Variants in THSD7A observed in about 807,000 individuals in gnomAD.
THSD7A encodes the protein thrombospondin type-1 domain-containing protein 7A.
A neutral mutation model predicts 231.3 loss-of-function variants in THSD7A; 96 were observed. That is an observed-to-expected ratio of 0.41 (90% CI 0.35 to 0.49). The LOEUF (loss-of-function observed/expected upper bound fraction) is 0.49. Among genes scored for constraint, THSD7A ranks in the 20% least tolerant of loss-of-function variants. THSD7A has a pLI of 0.05. For synonymous variants in THSD7A, 940 were observed against 743.3 expected, an observed-to-expected ratio of 1.26 and a Z score of -4.30; for missense variants, 2,290 against 2,070.2, an observed-to-expected ratio of 1.11 and a Z score of -2.06.
At chr7:11,609,474 G>C (rs1780848989) in intron 2 of THSD7A, among the ~76,000 whole-genome samples, 1 of 152,166 alleles carries the variant, frequency 6.6e-6, no homozygotes, top group Admixed American at 6.5e-5. Context: ...TGTTCCATGG[G>C]AACAGAGGAT....
chr7:11,786,823 T>G (rs1327151214), intron 1 of THSD7A, among the ~76,000 whole-genome samples: 6 of 150,978 alleles, frequency 4.0e-5, no homozygotes, highest in Non-Finnish European at 8.9e-5. Flanking sequence ...CTTTGGTCTC[T>G]CTCTTCCCCT....
rs188678857 is a variant in THSD7A at position 11,609,749 on chromosome 7, T to C, written c.1023-16247A>G. Among the ~76,000 whole-genome samples the C allele has an allele frequency of 3.3e-5, 5 of 152,276 alleles. No homozygotes were observed. In the East Asian group the frequency reaches 9.7e-4, roughly 29 times the overall value. On this transcript the variant is annotated intron_variant, in intron 2 of 27. Coordinates refer to ENST00000423059, the MANE Select transcript of THSD7A (RefSeq NM_015204.3). ...ATCACAGATCATGCAGAGAAGCTTATTCAATCTGTTTAAAAACATATTGGT... is the reference window on the plus strand; with the variant it reads ...ATCACAGATCATGCAGAGAAGCTTACTCAATCTGTTTAAAAACATATTGGT...
At position 11,481,780 on chromosome 7, in the gene THSD7A, C is replaced by T. The variant is rs772883064; in HGVS notation, c.2017+8G>A. The T allele has an allele frequency of 1.3e-5, 21 of 1,586,038 alleles. No homozygotes were observed. The highest frequency in any genetic ancestry group is 1.7e-4 in the Middle Eastern group (1 of 5,938). ...GAACCTAGATGGCGTCTGAAGCTGG[C>T]GACTCACCTTCTTCACCCGCATAGG... is the stretch of plus-strand genomic sequence containing the variant. On this transcript the variant is annotated splice_region_variant and intron_variant, in intron 7 of 27. Coordinates refer to ENST00000423059, the MANE Select transcript of THSD7A (RefSeq NM_015204.3).
intron 1 of THSD7A, among the ~76,000 whole-genome samples, chr7:11,828,046 C>A (rs889352989): frequency 1.3e-5 from 2 of 152,290 alleles, no homozygotes; most frequent in Admixed American, 6.5e-5. Context: ...GTTCTGTTTC[C>A]CTTTGCCTCT....
In THSD7A at chr7:11,512,959, A is replaced by ATATATATATATATATATATATATATATG. The variant is rs1449312863; in HGVS notation, c.1822+28459_1822+28460insCATATATATATATATATATATATATATA. Among the ~76,000 whole-genome samples, 83 of 142,620 alleles carry ATATATATATATATATATATATATATATG rather than the reference A, an allele frequency of 5.8e-4. 2 individuals carry two copies. The highest frequency in any genetic ancestry group is 1.0e-3 in the Non-Finnish European group (65 of 65,296). 93.6% of individuals were successfully genotyped at this position (142,620 alleles called of 152,430 possible). On this transcript the variant is annotated intron_variant, in intron 6 of 27. Transcript: ENST00000423059. ...GAAACTATGATATATATATATATAT[A>ATATATATATATATATATATATATATATG]TGTAAAATACTACTCAGCCATAAAA...
chr7:11,809,215 C>A (rs1784468704), intron 1 of THSD7A, among the ~76,000 whole-genome samples: 1 of 152,052 alleles, frequency 6.6e-6, no homozygotes, highest in Non-Finnish European at 1.5e-5. Flanking sequence ...TACCCAAAAT[C>A]ATTACCAGTA....
chr7:11,728,864 C>A (rs1365291825), intron 1 of THSD7A, among the ~76,000 whole-genome samples: 7 of 151,728 alleles, frequency 4.6e-5, no homozygotes, highest in African/African-American at 1.7e-4. Flanking sequence ...TTAGTAAAGA[C>A]CAATTGCTTC....
At chr7:11,404,694 G>GCT in intron 22 of THSD7A, among the ~76,000 whole-genome samples, 1 of 152,016 alleles carries the variant, frequency 6.6e-6, no homozygotes, top group Non-Finnish European at 1.5e-5. Flanking sequence ...AAGGTTGTTG[G>GCT]CAGCAACACT....
chr7:11,441,195 T>A (rs1784793245), intron 13 of THSD7A, among the ~76,000 whole-genome samples: 1 of 152,132 alleles, frequency 6.6e-6, no homozygotes, highest in African/African-American at 2.4e-5. Context: ...GATATCCTCA[T>A]CAATCTCTAT....
chr7:11,526,130 A>G (rs901640535), intron 6 of THSD7A, among the ~76,000 whole-genome samples: 5 of 152,176 alleles, frequency 3.3e-5, no homozygotes, highest in Middle Eastern at 3.2e-3. Flanking sequence ...TGTGTGAAAC[A>G]GTCTCTTGAA....
intron 2 of THSD7A, among the ~76,000 whole-genome samples, chr7:11,623,823 A>G (rs1781393498): frequency 6.6e-6 from 1 of 152,172 alleles, no homozygotes; most frequent in Non-Finnish European, 1.5e-5. Flanking sequence ...AGAGCCTGGG[A>G]TCAGCTTTAG....
chr7:11,393,466 C>CACA (rs1185828604), intron 23 of THSD7A, among the ~76,000 whole-genome samples: 1 of 152,192 alleles, frequency 6.6e-6, no homozygotes, highest in Non-Finnish European at 1.5e-5. Flanking sequence ...TCCAAAGTAT[C>CACA]ACAACTCTTC....
Position 11,375,641 on chromosome 7 carries a change from GT to G in THSD7A, c.*152del, listed in dbSNP as rs1360845323. ...AGTGGTACTGTCTTAAATATCTCCA[GT>G]GGCAGTATGATTTTCACTCTTGTCT... On this transcript the variant is annotated 3_prime_UTR_variant, in exon 28 of 28. Coordinates refer to ENST00000423059, the MANE Select transcript of THSD7A (RefSeq NM_015204.3). The G allele has an allele frequency of 4.9e-5, 30 of 615,920 alleles. No homozygotes were observed. Among genetic ancestry groups the G allele is most frequent in the African/African-American group, 4.8e-4 (26 of 53,770 alleles). The allele number at this position is 615,920 out of a possible 1,614,324, so 38.2% of individuals were successfully genotyped here. A position where few individuals can be genotyped will look rare whatever the true frequency, so the allele number is the denominator to read the frequency against.
chr7:11,379,148 G>A lies in THSD7A; in HGVS notation c.4723C>T (p.Arg1575Trp), dbSNP rs757798324. 48 of 1,613,522 alleles carry A rather than the reference G, an allele frequency of 3.0e-5. No homozygotes were observed. The highest frequency in any genetic ancestry group is 2.4e-4 in the South Asian group (22 of 91,076). The change falls in exon 26 of 28, where the codon CGG (arginine) becomes TGG (tryptophan). Residue 1575 changes from arginine (R) to tryptophan (W), a missense_variant. Coordinates refer to ENST00000423059, the MANE Select transcript of THSD7A (RefSeq NM_015204.3). ...EDKRGDVKTS[R>W]AVHPTQPSSN... ...GAGGGTTGGGTTGGATGTACAGCCC[G>A]ACTGGTTTTCACATCTCCTCTTTTG... is the stretch of plus-strand genomic sequence containing the variant.
intron 23 of THSD7A, among the ~76,000 whole-genome samples, chr7:11,391,446 C>T (rs1440399356): frequency 6.6e-6 from 1 of 152,184 alleles, no homozygotes; most frequent in Non-Finnish European, 1.5e-5. Flanking sequence ...GACGCCCCTC[C>T]CCAGCTCGAG....
At chr7:11,664,476 T>C (rs1783046144) in intron 1 of THSD7A, among the ~76,000 whole-genome samples, 1 of 151,990 alleles carries the variant, frequency 6.6e-6, no homozygotes. Context: ...ATACATCACA[T>C]GCTTAGTAAC....
At chr7:11,633,500 G>A (rs1044090077) in intron 2 of THSD7A, among the ~76,000 whole-genome samples, 1 of 152,136 alleles carries the variant, frequency 6.6e-6, no homozygotes. Context: ...GTCATGCTAA[G>A]GAAGTGTCAT....
intron 1 of THSD7A, among the ~76,000 whole-genome samples, chr7:11,709,188 G>A (rs1584243908): frequency 6.6e-6 from 1 of 150,758 alleles, no homozygotes; most frequent in East Asian, 2.0e-4. Flanking sequence ...TGGCTTTGTT[G>A]TGAGCTCTCT....
intron 1 of THSD7A, among the ~76,000 whole-genome samples, chr7:11,767,662 T>C (rs2128170316): frequency 6.6e-6 from 1 of 152,344 alleles, no homozygotes; most frequent in East Asian, 1.9e-4. Flanking sequence ...GAATAGATCT[T>C]TGGGTTTTCT....
Sources: gnomAD v4.1 joint callset for allele counts (sites outside exome capture counted in the v4.1 genomes callset) on GRCh38, gnomAD v4.1.1 for gene constraint, MANE v1.5 for transcripts, NCBI Gene and HGNC (gene_info 2026-07-23, HGNC 2026-07-21) for gene names.